RAVER1: variants seen among roughly 807,000 people sequenced by gnomAD.
RAVER1 encodes ribonucleoprotein, PTB binding 1.
In RAVER1, 36 loss-of-function variants were observed where a neutral mutation model predicts 68.4. The observed-to-expected ratio is 0.53, with a 90% CI of 0.40 to 0.70. The LOEUF (loss-of-function observed/expected upper bound fraction) is 0.70, where lower values mean the gene tolerates loss of function less well. Among genes scored for constraint, RAVER1 ranks in the 30% least tolerant of loss-of-function variants. The pLI is 0.00. For synonymous variants in RAVER1, 469 were observed against 472.7 expected, an observed-to-expected ratio of 0.99 and a Z score of 0.10; for missense variants, 933 against 1,019.8, an observed-to-expected ratio of 0.91 and a Z score of 1.16.
Position 10,317,935 on chromosome 19 carries a change from C to T in RAVER1, c.1990-162G>A, listed in dbSNP as rs1196999651. On this transcript the variant is annotated intron_variant, in intron 11 of 12. Coordinates refer to ENST00000617231, the MANE Select transcript of RAVER1 (RefSeq NM_133452.3). This position sits in a 1 kb window ranked among gnomAD's most constrained non-coding sequence, Gnocchi z 4.3. ...TAGCTATAAGACCTAGGGCCAATTG[C>T]TCCATTTTATTTGAGCCTCGGTTTT... 1.3e-5 allele frequency among the ~76,000 whole-genome samples: 2 copies of T among 151,592 alleles called. No homozygotes were observed. The highest frequency in any genetic ancestry group is 1.9e-4 in the East Asian group (1 of 5,146).
chr19:10,325,125 A>G (rs2040465447), intron 3 of RAVER1, among the ~76,000 whole-genome samples: 1 of 152,032 alleles, frequency 6.6e-6, no homozygotes, highest in African/African-American at 2.4e-5. Context: ...GGTTCAATCA[A>G]TTCTCCTGCC....
chr19:10,332,970 T>C (rs1036216397), intron 1 of RAVER1, among the ~76,000 whole-genome samples: 2 of 152,148 alleles, frequency 1.3e-5, no homozygotes, highest in African/African-American at 2.4e-5. Flanking sequence ...GGTGGTCCAA[T>C]GTACCAGCCC....
In RAVER1 at chr19:10,322,129, GTGTGTGTCTTTGTCTTATGTCTT is replaced by G. The variant is rs1231142516; in HGVS notation, c.1173+493_1174-512del. On this transcript the variant is annotated intron_variant, in intron 6 of 12. Transcript: ENST00000617231. This position sits in a 1 kb window ranked among gnomAD's most constrained non-coding sequence, Gnocchi z 4.3. Reference sequence around the variant, plus strand: ...TGTCTATATGTGTGTCTGTGTCTATGTGTGTGTCTTTGTCTTATGTCTTTGTGTGTCTATGTCTCTGTGTGTAT... The same window carrying G: ...TGTCTATATGTGTGTCTGTGTCTATGTGTGTGTCTATGTCTCTGTGTGTAT... 6.0e-6 allele frequency: 1 copy of G among 166,274 alleles called. No homozygotes were observed. The highest frequency in any genetic ancestry group is 1.3e-5 in the Non-Finnish European group (1 of 77,956). The allele number at this position is 166,274 out of a possible 1,614,324, so 10.3% of individuals were successfully genotyped here. A position where few individuals can be genotyped will look rare whatever the true frequency, so the allele number is the denominator to read the frequency against.
Position 10,318,221 on chromosome 19 carries a change from T to C in RAVER1, c.1989+8A>G. On this transcript the variant is annotated splice_region_variant and intron_variant, in intron 11 of 12. Coordinates refer to ENST00000617231, the MANE Select transcript of RAVER1 (RefSeq NM_133452.3). The stretch of plus-strand genomic sequence containing the variant: ...GGGGGCCTGTGCTTGGCCAGAGAGG[T>C]TCCTCACCTTACTGAGGTGGCTCTG... 4 of 1,599,874 alleles carry C rather than the reference T, an allele frequency of 2.5e-6. No individual in the cohort carries two copies. The highest frequency in any genetic ancestry group is 3.4e-6 in the Non-Finnish European group (4 of 1,174,104).
intron 3 of RAVER1, among the ~76,000 whole-genome samples, chr19:10,327,858 G>A (rs1462960431): frequency 1.3e-5 from 2 of 152,154 alleles, no homozygotes; most frequent in African/African-American, 4.8e-5. Flanking sequence ...AGTGAGTCTG[G>A]CCTGTTCTCG....
chr19:10,322,612 T>C lies in RAVER1; in HGVS notation c.1173+33A>G, dbSNP rs765546697. ...TGTTGAAAAGAGCCTGTAGGGGCTGTAGAGCAGTGGGTGAGGGGGATGCGT... is the reference window on the plus strand; with the variant it reads ...TGTTGAAAAGAGCCTGTAGGGGCTGCAGAGCAGTGGGTGAGGGGGATGCGT... On this transcript the variant is annotated intron_variant, in intron 6 of 12. Transcript: ENST00000617231. The surrounding 1 kb of genome is among the most constrained non-coding windows in gnomAD (Gnocchi z 4.3). 2.5e-5 allele frequency: 35 copies of C among 1,413,846 alleles called. No individual in the cohort carries two copies. The highest frequency in any genetic ancestry group is 1.5e-5 in the African/African-American group (1 of 67,086). The allele number at this position is 1,413,846 out of a possible 1,614,324, so 87.6% of individuals were successfully genotyped here.
At position 10,316,605 on chromosome 19, in the gene RAVER1, T is replaced by A. The variant is rs754401646; in HGVS notation, c.*849A>T. The A allele has an allele frequency of 8.2e-5, 81 of 986,038 alleles. No homozygotes were observed. The highest frequency in any genetic ancestry group is 9.4e-5 in the Non-Finnish European group (78 of 829,940). The allele number at this position is 986,038 out of a possible 1,614,324, so 61.1% of individuals were successfully genotyped here. A position where few individuals can be genotyped will look rare whatever the true frequency, so the allele number is the denominator to read the frequency against. ...AGGGGACTGGCAGAGAAAGCCCATCTCTGCACGGAGGCCCGGGTAGGAGGG... is the reference window on the plus strand; with the variant it reads ...AGGGGACTGGCAGAGAAAGCCCATCACTGCACGGAGGCCCGGGTAGGAGGG... On this transcript the variant is annotated 3_prime_UTR_variant, in exon 13 of 13. Transcript: ENST00000617231.
At chr19:10,318,193 C>A (rs1433488805) in intron 11 of RAVER1, 36 bp downstream of exon 11, 1 of 1,565,740 alleles carries the variant, frequency 6.4e-7, no homozygotes, top group Non-Finnish European at 8.6e-7. Flanking sequence ...CCTAGCTGTC[C>A]CAGGGGGCCT....
Position 10,317,337 on chromosome 19 carries a change from A to T in RAVER1, c.*117T>A. The T allele has an allele frequency of 8.4e-7, 1 of 1,190,758 alleles. No homozygotes were observed. Among genetic ancestry groups the T allele is most frequent in the Middle Eastern group, 1.9e-4 (1 of 5,162 alleles). The allele number at this position is 1,190,758 out of a possible 1,614,324, so 73.8% of individuals were successfully genotyped here. A position where few individuals can be genotyped will look rare whatever the true frequency, so the allele number is the denominator to read the frequency against. On this transcript the variant is annotated 3_prime_UTR_variant, in exon 13 of 13. Transcript: ENST00000617231. The surrounding 1 kb of genome is among the most constrained non-coding windows in gnomAD (Gnocchi z 4.3). ...GGCTGATTGGTCAGTAAAGTCTTTC[A>T]GAGATTTTTCTATTACCGAAAGAGA...
rs371547455 is a variant in RAVER1, at chr19:10,327,350, G to A, written c.756+1292C>T. 4.0e-5 allele frequency among the ~76,000 whole-genome samples: 6 copies of A among 151,686 alleles called. No individual in the cohort carries two copies. The East Asian group carries it at 1.2e-3, about 30-fold the overall frequency. On this transcript the variant is annotated intron_variant, in intron 3 of 12. Coordinates refer to ENST00000617231, the MANE Select transcript of RAVER1 (RefSeq NM_133452.3). ...GCGATCATGGCTCACTGCAGCCTCG[G>A]ACTCCCAGAATCAGGCAATCCTCCC...
rs376229949 is a variant in RAVER1, at chr19:10,333,282, C to G, written c.219+7G>C. ...CCGCCACGCTCCTACACCGCCCCCC[C>G]CAATACCTGGTTGGTCACGTCCCCC... On this transcript the variant is annotated splice_region_variant and intron_variant, in intron 1 of 12. Coordinates refer to ENST00000617231, the MANE Select transcript of RAVER1 (RefSeq NM_133452.3). This position sits in a 1 kb window ranked among gnomAD's most constrained non-coding sequence, Gnocchi z 4.2. 24 of 1,612,236 alleles carry G rather than the reference C, an allele frequency of 1.5e-5. No homozygotes were observed. The highest frequency in any genetic ancestry group is 1.6e-4 in the Middle Eastern group (1 of 6,066).
intron 3 of RAVER1, among the ~76,000 whole-genome samples, chr19:10,325,480 C>T (rs749655727): frequency 6.6e-5 from 10 of 152,058 alleles, no homozygotes; most frequent in African/African-American, 1.4e-4. Flanking sequence ...GCACCCACCT[C>T]GGCCTCCCAA....
chr19:10,332,590 G>A (rs996484221), intron 1 of RAVER1, among the ~76,000 whole-genome samples: 2 of 152,230 alleles, frequency 1.3e-5, no homozygotes, highest in Non-Finnish European at 1.5e-5. Context: ...CCATAGGGCA[G>A]GGCAGTATAG....
Position 10,322,231 on chromosome 19 carries a change from CGTGT to C in RAVER1, c.1173+410_1173+413del, listed in dbSNP as rs34498607. 5 of 200,544 alleles carry C rather than the reference CGTGT, an allele frequency of 2.5e-5. No homozygotes were observed. The East Asian group carries it at 4.3e-4, about 17-fold the overall frequency. 12.4% of individuals were successfully genotyped at this position (200,544 alleles called of 1,614,324 possible). On this transcript the variant is annotated intron_variant, in intron 6 of 12. Coordinates refer to ENST00000617231, the MANE Select transcript of RAVER1 (RefSeq NM_133452.3). This position sits in a 1 kb window ranked among gnomAD's most constrained non-coding sequence, Gnocchi z 4.3. The stretch of plus-strand genomic sequence containing the variant: ...ATGTATACCTGTGTTTCTAGGTGTG[CGTGT>C]GTGTGTGTGCACACACTGAGGGGAT...
rs753739331 is a variant in RAVER1, at chr19:10,320,707, C to T, written c.1718G>A (p.Arg573His). ...SRLLSPLSSA[R>H]LPPEPGLSDS... ...AGACAGTCCTGGTTCGGGGGGCAGG[C>T]GGGCGCTGCTGAGGGGGCTGAGCAG... Residue 573 changes from arginine to histidine, a missense_variant, in exon 9 of 13, where the codon CGC (arginine) becomes CAC (histidine). By Grantham distance (29) the Arg-to-His change is conservative (BLOSUM62 0). Around this residue, in one of 3 missense-constraint regions of RAVER1, gnomAD observed 699 missense variants for 731.1 expected, o/e 0.96. Coordinates refer to ENST00000617231, the MANE Select transcript of RAVER1 (RefSeq NM_133452.3). 14 of 1,538,642 alleles carry T rather than the reference C, an allele frequency of 9.1e-6. No homozygotes were observed. Among genetic ancestry groups the T allele is most frequent in the African/African-American group, 1.4e-5 (1 of 69,596 alleles).
Position 10,320,743 on chromosome 19 carries a change from A to G in RAVER1, c.1682T>C (p.Leu561Pro). Residue 561 changes from leucine to proline, a missense_variant, in exon 9 of 13, where the codon CTC (leucine) becomes CCC (proline). By Grantham distance (98) the Leu-to-Pro change is moderately conservative (BLOSUM62 -3). This residue lies in a region of RAVER1 where 699 missense variants were observed against 731.1 expected (regional missense o/e 0.96). Transcript: ENST00000617231. The part of the protein sequence containing the change: ...GGSSSSKAFQ[L>P]KSRLLSPLSS... ...GAGGGGGCTGAGCAGGCGGGACTTG[A>G]GCTGGAAGGCTTTGCTGCTGCTGCT... The G allele has an allele frequency of 6.7e-7, 1 of 1,490,790 alleles. No individual in the cohort carries two copies. Among genetic ancestry groups the G allele is most frequent in the South Asian group, 1.3e-5 (1 of 77,578 alleles). 92.3% of individuals were successfully genotyped at this position (1,490,790 alleles called of 1,614,324 possible). A position where few individuals can be genotyped will look rare whatever the true frequency, so the allele number is the denominator to read the frequency against.
In RAVER1 at chr19:10,323,230, C is replaced by T. The variant is rs2040451475; in HGVS notation, c.993G>A (p.Leu331=). Reference sequence around the variant, plus strand: ...ATGGGCCCAGGTTGTTGAGCAGCTGCAGGATGTTGGGCTCGGGGAGGAGTC... The same window carrying T: ...ATGGGCCCAGGTTGTTGAGCAGCTGTAGGATGTTGGGCTCGGGGAGGAGTC... The part of the protein sequence containing the change: ...GKGLLPEPNI[L]QLLNNLGPSA... The change falls in exon 5 of 13, where the codon CTG becomes CTA. Residue 331 remains leucine, a synonymous_variant. Transcript: ENST00000617231. The surrounding 1 kb of genome is among the most constrained non-coding windows in gnomAD (Gnocchi z 6.2). The T allele has an allele frequency of 6.2e-7, 1 of 1,613,356 alleles. No individual in the cohort carries two copies.
rs773966458 is a variant in RAVER1, at chr19:10,323,520, T to G, written c.803A>C (p.Glu268Ala). 1 of 1,607,134 alleles carries G rather than the reference T, an allele frequency of 6.2e-7. No individual in the cohort carries two copies. The highest frequency in any genetic ancestry group is 1.7e-5 in the Admixed American group (1 of 59,926). The change falls in exon 4 of 13, where the codon GAG (glutamate) becomes GCG (alanine). Residue 268 changes from glutamate to alanine, a missense_variant. Physicochemically the swap from Glu to Ala is moderately radical, Grantham distance 107. This residue lies in a region of RAVER1 where 699 missense variants were observed against 731.1 expected (regional missense o/e 0.96). Coordinates refer to ENST00000617231, the MANE Select transcript of RAVER1 (RefSeq NM_133452.3). This position sits in a 1 kb window ranked among gnomAD's most constrained non-coding sequence, Gnocchi z 6.2. The part of the protein sequence containing the change: ...DGQLKGFAVL[E>A]YETAEMAEEA... Reference sequence around the variant, plus strand: ...CTCCGCCATCTCAGCCGTCTCATACTCCAGCACCGCGAAGCCCTTCAGCTG... The same window carrying G: ...CTCCGCCATCTCAGCCGTCTCATACGCCAGCACCGCGAAGCCCTTCAGCTG...
rs571504483 is a variant in RAVER1 at position 10,328,584 on chromosome 19, ACT to A, written c.756+56_756+57del. 2.9e-4 allele frequency: 343 copies of A among 1,174,844 alleles called. 1 individual carries two copies. The highest frequency in any genetic ancestry group is 3.9e-4 in the Non-Finnish European group (324 of 837,468). The allele number at this position is 1,174,844 out of a possible 1,614,324, so 72.8% of individuals were successfully genotyped here. On this transcript the variant is annotated intron_variant, in intron 3 of 12. Coordinates refer to ENST00000617231, the MANE Select transcript of RAVER1 (RefSeq NM_133452.3). This position sits in a 1 kb window ranked among gnomAD's most constrained non-coding sequence, Gnocchi z 4.4. ...AAAGAAAAGGCAGATGACTCCAAAG[ACT>A]CTCTCAGGTGCTCCGGGCCTGGCAC...
Sources: allele counts gnomAD v4.1 joint callset (sites outside exome capture counted in the v4.1 genomes callset), GRCh38; gene constraint gnomAD v4.1.1; regional missense constraint gnomAD v4.1.1; non-coding constraint Gnocchi (gnomAD v3.1); transcripts MANE v1.5; gene names NCBI Gene and HGNC (gene_info 2026-07-23, HGNC 2026-07-21).